Variants in IGSF21 observed in about 807,000 individuals in gnomAD.
The protein encoded by IGSF21 is immunoglobin superfamily member 21.
A neutral mutation model predicts 46.8 loss-of-function variants in IGSF21; 28 were observed. The ratio of observed to expected loss-of-function variants is 0.60; its 90% confidence interval spans 0.44 to 0.82. The LOEUF (loss-of-function observed/expected upper bound fraction) is 0.82, where lower values mean the gene tolerates loss of function less well. Ranked by LOEUF, IGSF21 falls within the 40% of genes least tolerant of loss-of-function variation. IGSF21 has a pLI of 0.00. For missense variants in IGSF21, 624 were observed against 665.5 expected, an observed-to-expected ratio of 0.94 and a Z score of 0.69; for synonymous variants, 284 against 273.6, an observed-to-expected ratio of 1.04 and a Z score of -0.38.
chr1:18,362,975 T>G (rs1362078950), intron 5 of IGSF21, among the ~76,000 whole-genome samples: 2 of 152,162 alleles, frequency 1.3e-5, no homozygotes, highest in East Asian at 3.9e-4. Context: ...TTTAGGGGGC[T>G]GGACAATATT....
intron 1 of IGSF21, among the ~76,000 whole-genome samples, chr1:18,216,298 A>G (rs1194812828): frequency 2.0e-5 from 3 of 152,166 alleles, no homozygotes; most frequent in Non-Finnish European, 2.9e-5. Flanking sequence ...CAAAGGCACA[A>G]TGTGAGACTG....
chr1:18,359,863 A>AGCTCCCTT (rs1197358649), intron 4 of IGSF21, among the ~76,000 whole-genome samples: 7 of 152,202 alleles, frequency 4.6e-5, no homozygotes, highest in Non-Finnish European at 1.0e-4. Context: ...AATAGATACA[A>AGCTCCCTT]GCTCCCTTTT....
chr1:18,258,993 C>T (rs938937695), intron 2 of IGSF21, among the ~76,000 whole-genome samples: 1 of 152,204 alleles, frequency 6.6e-6, no homozygotes, highest in African/African-American at 2.4e-5. Context: ...CCTCTCTCTC[C>T]CTTTGGCCTC....
At chr1:18,245,501 G>T (rs955047806) in intron 2 of IGSF21, among the ~76,000 whole-genome samples, 1 of 152,160 alleles carries the variant, frequency 6.6e-6, no homozygotes, top group Non-Finnish European at 1.5e-5. Context: ...TGGGATGTAA[G>T]AATGCAATTG....
chr1:18,189,002 A>T (rs1328654912), intron 1 of IGSF21, among the ~76,000 whole-genome samples: 2 of 152,176 alleles, frequency 1.3e-5, no homozygotes, highest in Non-Finnish European at 2.9e-5. Flanking sequence ...ATGAGCTGGC[A>T]CTGCCCCTGG....
intron 2 of IGSF21, among the ~76,000 whole-genome samples, chr1:18,231,789 C>G (rs1455550587): frequency 6.6e-6 from 1 of 152,050 alleles, no homozygotes; most frequent in Non-Finnish European, 1.5e-5. Flanking sequence ...TCTTTTGCAG[C>G]CTCTGGAATA....
At chr1:18,264,579 G>A (rs979080840) in intron 2 of IGSF21, among the ~76,000 whole-genome samples, 3 of 152,140 alleles carry the variant, frequency 2.0e-5, no homozygotes, top group African/African-American at 7.2e-5. Context: ...AGGGCATGAG[G>A]ACAGATAGCC....
chr1:18,132,564 G>A (rs1217043289), intron 1 of IGSF21, among the ~76,000 whole-genome samples: 1 of 152,200 alleles, frequency 6.6e-6, no homozygotes, highest in African/African-American at 2.4e-5. Context: ...ACTGCAAAAT[G>A]ACCGCAGAGA....
chr1:18,187,428 A>T (rs1416474853), intron 1 of IGSF21, among the ~76,000 whole-genome samples: 1 of 152,196 alleles, frequency 6.6e-6, no homozygotes, highest in Non-Finnish European at 1.5e-5. Context: ...GAGGCCTCAT[A>T]ATCATGGTGG....
intron 1 of IGSF21, among the ~76,000 whole-genome samples, chr1:18,169,715 C>T (rs1048202144): frequency 1.1e-4 from 16 of 152,134 alleles, no homozygotes; most frequent in African/African-American, 3.4e-4. Context: ...GAATATGAGC[C>T]GCTTGTTTGG....
chr1:18,371,943 G>A (rs1016201867), intron 6 of IGSF21, among the ~76,000 whole-genome samples: 2 of 152,222 alleles, frequency 1.3e-5, no homozygotes, highest in Admixed American at 6.5e-5. Flanking sequence ...AGGTGAACTG[G>A]CTTGAACAAT....
At chr1:18,119,761 G>GTT (rs10562837) in intron 1 of IGSF21, among the ~76,000 whole-genome samples, 1 of 150,034 alleles carries the variant, frequency 6.7e-6, no homozygotes, top group African/African-American at 2.4e-5. Flanking sequence ...TAATAACGGT[G>GTT]TTTTTTTTTT....
chr1:18,220,654 G>A (rs748254213), intron 1 of IGSF21, among the ~76,000 whole-genome samples: 4 of 152,112 alleles, frequency 2.6e-5, no homozygotes, highest in Non-Finnish European at 5.9e-5. Flanking sequence ...AGCAGTAGGA[G>A]CAGGAGAGGC....
chr1:18,137,378 T>TG (rs1364310294), intron 1 of IGSF21, among the ~76,000 whole-genome samples: 2 of 152,100 alleles, frequency 1.3e-5, no homozygotes, highest in Non-Finnish European at 2.9e-5. Context: ...GAGATTTAGG[T>TG]GGGGACACAC....
At chr1:18,262,490 A>G (rs952457467) in intron 2 of IGSF21, among the ~76,000 whole-genome samples, 1 of 152,208 alleles carries the variant, frequency 6.6e-6, no homozygotes, top group Non-Finnish European at 1.5e-5. Context: ...CATTGAAAAA[A>G]TGGGGATAAT....
intron 2 of IGSF21, among the ~76,000 whole-genome samples, chr1:18,266,843 C>T (rs957077315): frequency 2.6e-5 from 4 of 152,214 alleles, no homozygotes; most frequent in Admixed American, 2.0e-4. Context: ...GCACCTATGT[C>T]CTGCAGGGAG....
At chr1:18,129,477 A>T (rs1055255143) in intron 1 of IGSF21, among the ~76,000 whole-genome samples, 1 of 152,128 alleles carries the variant, frequency 6.6e-6, no homozygotes. Context: ...TGGTTCAACC[A>T]CGCCACCTCG....
rs189683284 is a variant in IGSF21 at position 18,284,996 on chromosome 1, G to A, written c.184-6870G>A. 7.9e-5 allele frequency among the ~76,000 whole-genome samples: 12 copies of A among 152,280 alleles called. 1 individual carries two copies. The East Asian group carries it at 2.3e-3, about 29-fold the overall frequency. On this transcript the variant is annotated intron_variant, in intron 2 of 9. Transcript: ENST00000251296. ...AGAGGAGTTGGGATAATGTAGACAG[G>A]CAATTTAAACAGCCGGCAAAATACA...
intron 1 of IGSF21, among the ~76,000 whole-genome samples, chr1:18,127,324 G>A (rs941207690): frequency 6.6e-6 from 1 of 152,128 alleles, no homozygotes; most frequent in Admixed American, 6.5e-5. Flanking sequence ...TGAGGGACTC[G>A]GGAGCAGAGC....
Sources: allele counts gnomAD v4.1 joint callset (sites outside exome capture counted in the v4.1 genomes callset), GRCh38; gene constraint gnomAD v4.1.1; transcripts MANE v1.5; gene names NCBI Gene and HGNC (gene_info 2026-07-23, HGNC 2026-07-21).